The following SAMD3 variants were observed in gnomAD, a reference collection of about 807,000 sequenced individuals.
SAMD3 encodes the protein sterile alpha motif domain containing 3.
A neutral mutation model predicts 58.5 loss-of-function variants in SAMD3; 63 were observed. The ratio of observed to expected loss-of-function variants is 1.08; its 90% CI spans 0.88 to 1.33. SAMD3 has a LOEUF of 1.33. SAMD3 is among the 40% of genes most tolerant of loss of function. SAMD3 has a pLI of 0.00. For missense variants in SAMD3, 604 were observed against 608.4 expected, an observed-to-expected ratio of 0.99 and a Z score of 0.08; for synonymous variants, 220 against 210.3, an observed-to-expected ratio of 1.05 and a Z score of -0.40.
At chr6:130,310,367 G>T (rs1776106472) in intron 2 of SAMD3, among the ~76,000 whole-genome samples, 1 of 152,112 alleles carries the variant, frequency 6.6e-6, no homozygotes, top group Non-Finnish European at 1.5e-5. Flanking sequence ...TGATAGAAAT[G>T]CTTTCTATAT....
At chr6:130,185,261 G>A (rs1792827764) in intron 5 of SAMD3, among the ~76,000 whole-genome samples, 1 of 152,148 alleles carries the variant, frequency 6.6e-6, no homozygotes, top group Admixed American at 6.5e-5. Context: ...AATGGGTAGT[G>A]ATTATTTGTT....
At chr6:130,306,792 T>G (rs1319737980) in intron 2 of SAMD3, among the ~76,000 whole-genome samples, 2 of 152,234 alleles carry the variant, frequency 1.3e-5, no homozygotes, top group Non-Finnish European at 2.9e-5. Flanking sequence ...GAATGTTCTT[T>G]CTTTTTCTAT....
intron 1 of SAMD3, among the ~76,000 whole-genome samples, chr6:130,219,544 C>A (rs1478542859): frequency 6.6e-6 from 1 of 152,152 alleles, no homozygotes; most frequent in East Asian, 1.9e-4. Flanking sequence ...CCTTTTCATC[C>A]TCATAGCTTA....
chr6:130,153,524 C>G (rs982970731), intron 9 of SAMD3, among the ~76,000 whole-genome samples: 3 of 151,218 alleles, frequency 2.0e-5, no homozygotes, highest in Non-Finnish European at 4.4e-5. Flanking sequence ...TCGGGTAAAA[C>G]CTTTGATGAT....
intron 2 of SAMD3, among the ~76,000 whole-genome samples, chr6:130,229,279 T>C (rs1407017677): frequency 1.3e-5 from 2 of 152,228 alleles, no homozygotes; most frequent in East Asian, 1.9e-4. Context: ...ACATGTCCGA[T>C]GACCAAAGGT....
chr6:130,334,119 T>TA (rs774544876), intron 1 of SAMD3, among the ~76,000 whole-genome samples: 2 of 152,068 alleles, frequency 1.3e-5, no homozygotes, highest in Non-Finnish European at 2.9e-5. Flanking sequence ...GCATAGGTTT[T>TA]AAAAAAAACT....
In SAMD3 at chr6:130,166,312, G is replaced by A. The variant is rs1790735348; in HGVS notation, c.822+9529C>T. ...TATCTTCCACTGGGCAACAAAAAATGTCTCTACACTAAGTAGTACTAAGTA... is the reference window on the plus strand; with the variant it reads ...TATCTTCCACTGGGCAACAAAAAATATCTCTACACTAAGTAGTACTAAGTA... On this transcript the variant is annotated intron_variant, in intron 8 of 11. Coordinates refer to ENST00000439090, the MANE Select transcript of SAMD3 (RefSeq NM_001017373.4). 2.0e-5 allele frequency among the ~76,000 whole-genome samples: 3 copies of A among 152,084 alleles called. No homozygotes were observed. The South Asian group carries it at 6.2e-4, about 32-fold the overall frequency.
chr6:130,302,722 A>G (rs751519185), intron 2 of SAMD3, among the ~76,000 whole-genome samples: 8 of 152,226 alleles, frequency 5.3e-5, no homozygotes, highest in Admixed American at 1.3e-4. Flanking sequence ...TGTGGTACAT[A>G]TGCACCATGG....
intron 5 of SAMD3, among the ~76,000 whole-genome samples, chr6:130,186,875 A>G (rs1307346903): frequency 1.3e-5 from 2 of 148,454 alleles, no homozygotes; most frequent in African/African-American, 2.5e-5. Flanking sequence ...GGTTCAAGCG[A>G]TTCTCCTGCC....
chr6:130,303,630 T>C (rs1002753102), intron 2 of SAMD3, among the ~76,000 whole-genome samples: 25 of 152,212 alleles, frequency 1.6e-4, no homozygotes, highest in African/African-American at 6.0e-4. Flanking sequence ...CAGTGAGTTA[T>C]GTTGGCCACA....
Position 130,146,014 on chromosome 6 carries a change from C to T in SAMD3, c.1191G>A (p.Leu397=), listed in dbSNP as rs1363712573. ...KMKHYTDEDM[L]KYMKMTATCL... ...CACTCCATAAGGTTTACTAACATTT[C>T]AACATGTCTTCATCTGTGTAATGTT... The change falls in exon 10 of 12, where the codon TTG becomes TTA. Residue 397 remains leucine, a synonymous_variant. Transcript: ENST00000439090. 6.7e-7 allele frequency: 1 copy of T among 1,502,596 alleles called. No homozygotes were observed. The highest frequency in any genetic ancestry group is 8.9e-7 in the Non-Finnish European group (1 of 1,126,142). The allele number at this position is 1,502,596 out of a possible 1,614,324, so 93.1% of individuals were successfully genotyped here.
chr6:130,216,337 T>C (rs1304940993), intron 2 of SAMD3, among the ~76,000 whole-genome samples: 1 of 152,172 alleles, frequency 6.6e-6, no homozygotes, highest in Non-Finnish European at 1.5e-5. Context: ...CTAAATGATA[T>C]AGATTTACTT....
intron 1 of SAMD3, among the ~76,000 whole-genome samples, chr6:130,343,895 G>T (rs1315269372): frequency 6.6e-6 from 1 of 152,038 alleles, no homozygotes; most frequent in Non-Finnish European, 1.5e-5. Context: ...AACCGGGGAG[G>T]TGGAAGTTAC....
At chr6:130,155,246 AAAAG>A (rs1316796547) in intron 8 of SAMD3, among the ~76,000 whole-genome samples, 1 of 152,230 alleles carries the variant, frequency 6.6e-6, no homozygotes, top group South Asian at 2.1e-4. Flanking sequence ...TGAAAGATCT[AAAAG>A]AGTTACTTTA....
chr6:130,214,664 G>A (rs1184513872), intron 3 of SAMD3, 138 bp from the exon 4 acceptor site: 8 of 575,556 alleles, frequency 1.4e-5, no homozygotes, highest in African/African-American at 3.9e-5. Flanking sequence ...CCATATTTTT[G>A]ACAAAGATAA....
At chr6:130,197,037 C>A (rs975013293) in intron 5 of SAMD3, among the ~76,000 whole-genome samples, 3 of 152,154 alleles carry the variant, frequency 2.0e-5, no homozygotes, top group Non-Finnish European at 4.4e-5. Flanking sequence ...AAAAGTAGAA[C>A]GGAGTAAAGG....
chr6:130,230,313 G>A (rs1262746719), intron 2 of SAMD3, among the ~76,000 whole-genome samples: 1 of 152,178 alleles, frequency 6.6e-6, no homozygotes, highest in Admixed American at 6.5e-5. Flanking sequence ...TTTTTGTGCT[G>A]TTCAATTCAT....
intron 1 of SAMD3, among the ~76,000 whole-genome samples, chr6:130,355,173 T>C (rs1271812087): frequency 6.6e-6 from 1 of 152,124 alleles, no homozygotes; most frequent in Non-Finnish European, 1.5e-5. Flanking sequence ...CCTGTGATCC[T>C]AGCACTTTGG....
At chr6:130,339,629 T>G (rs879778322) in intron 1 of SAMD3, among the ~76,000 whole-genome samples, 13 of 152,250 alleles carry the variant, frequency 8.5e-5, no homozygotes, top group Non-Finnish European at 1.5e-5. Context: ...TAAACCTCTT[T>G]TCTTTATAAG....
Sources: gnomAD v4.1 joint callset for allele counts (sites outside exome capture counted in the v4.1 genomes callset) on GRCh38, gnomAD v4.1.1 for gene constraint, MANE v1.5 for transcripts, NCBI Gene and HGNC (gene_info 2026-07-23, HGNC 2026-07-21) for gene names.